Variants in ACOX2 observed in about 807,000 individuals in gnomAD.
ACOX2 encodes acyl-CoA oxidase 2.
Under a neutral mutation model 77.5 loss-of-function variants are expected in ACOX2, and 59 were observed. The ratio of observed to expected loss-of-function variants is 0.76; its 90% CI spans 0.62 to 0.95. The LOEUF (loss-of-function observed/expected upper bound fraction) is 0.95. ACOX2 is among the 40% of genes least tolerant of loss of function. ACOX2 has a pLI of 0.00. For synonymous variants in ACOX2, 317 were observed against 340.1 expected (o/e 0.93, Z 0.75); for missense variants, 837 against 880.4 (o/e 0.95, Z 0.62).
chr3:58,533,957 CA>C lies in ACOX2; in HGVS notation c.475+36del. 6.2e-7 allele frequency: 1 copy of C among 1,611,510 alleles called. No individual in the cohort carries two copies. Among genetic ancestry groups the C allele is most frequent in the Non-Finnish European group, 8.5e-7 (1 of 1,178,488 alleles). On this transcript the variant is annotated intron_variant, in intron 4 of 14. Transcript: ENST00000302819. This position sits in a 1 kb window ranked among gnomAD's most constrained non-coding sequence, Gnocchi z 5.6. Reference sequence around the variant, plus strand: ...ATGGGCCCTCTGGAGTTTTGCAGTGCACAACCTAAACACCACACGCAGCAGT... The same window carrying C: ...ATGGGCCCTCTGGAGTTTTGCAGTGCCAACCTAAACACCACACGCAGCAGT...
At chr3:58,517,145 G>A (rs1482012712) in intron 13 of ACOX2, 61 bp downstream of exon 13, 1 of 1,579,684 alleles carries the variant, frequency 6.3e-7, no homozygotes, top group African/African-American at 1.3e-5. Context: ...GAAGTGACCT[G>A]TGAACAAGGG....
At chr3:58,527,126 T>C (rs1434928856) in intron 9 of ACOX2, among the ~76,000 whole-genome samples, 1 of 152,018 alleles carries the variant, frequency 6.6e-6, no homozygotes, top group Non-Finnish European at 1.5e-5. Context: ...TTAGGAGGTA[T>C]TGATGATTAG....
intron 8 of ACOX2, 45 bp from the exon 9 acceptor site, chr3:58,529,001 T>C: frequency 6.5e-7 from 1 of 1,530,154 alleles, no homozygotes; most frequent in Non-Finnish European, 8.8e-7. Flanking sequence ...ACCTGTTGTG[T>C]CCACCTTCCC....
chr3:58,509,067 C>G, intron 13 of ACOX2, 42 bp from the exon 14 acceptor site: 1 of 1,604,390 alleles, frequency 6.2e-7, no homozygotes, highest in African/African-American at 1.3e-5. Flanking sequence ...TTAGATTGCT[C>G]TTATGAATCA....
At chr3:58,510,146 G>T (rs1291995104) in intron 13 of ACOX2, among the ~76,000 whole-genome samples, 1 of 152,052 alleles carries the variant, frequency 6.6e-6, no homozygotes, top group Non-Finnish European at 1.5e-5. Context: ...CCAATATTTA[G>T]TATTGACATT....
In ACOX2 at chr3:58,533,678, T is replaced by C. The variant is rs774326323; in HGVS notation, c.476-126A>G. ...TGGAGTGGGGCCCAGCTCCCAGCTG[T>C]ACTTGCAGGCAGTTCTCCCCTTTCA... On this transcript the variant is annotated intron_variant, in intron 4 of 14. Coordinates refer to ENST00000302819, the MANE Select transcript of ACOX2 (RefSeq NM_003500.4). The surrounding 1 kb of genome is among the most constrained non-coding windows in gnomAD (Gnocchi z 5.6). 1.3e-5 allele frequency: 11 copies of C among 828,546 alleles called. No individual in the cohort carries two copies. Among genetic ancestry groups the C allele is most frequent in the Non-Finnish European group, 2.1e-5 (11 of 512,740 alleles). 51.3% of individuals were successfully genotyped at this position (828,546 alleles called of 1,614,324 possible).
At position 58,525,998 on chromosome 3, in the gene ACOX2, C is replaced by T. The variant is rs1395518734; in HGVS notation, c.1346+468G>A. 6.6e-6 allele frequency among the ~76,000 whole-genome samples: 1 copy of T among 151,208 alleles called. No homozygotes were observed. Among genetic ancestry groups the T allele is most frequent in the East Asian group, 1.9e-4 (1 of 5,130 alleles). ...CACCACTGCACTCCAGCCTGGGTGA[C>T]AGTGAGACTCCATCTCAAAAAAAAA... is the stretch of plus-strand genomic sequence containing the variant. On this transcript the variant is annotated intron_variant, in intron 10 of 14. Transcript: ENST00000302819. This position sits in a 1 kb window ranked among gnomAD's most constrained non-coding sequence, Gnocchi z 5.0.
Position 58,534,171 on chromosome 3 carries a change from A to T in ACOX2, c.324-26T>A, listed in dbSNP as rs2063461970. On this transcript the variant is annotated intron_variant, in intron 3 of 14. Coordinates refer to ENST00000302819, the MANE Select transcript of ACOX2 (RefSeq NM_003500.4). The surrounding 1 kb of genome is among the most constrained non-coding windows in gnomAD (Gnocchi z 4.8). The stretch of plus-strand genomic sequence containing the variant: ...CTGTTGGGGAGAGATGCTGTAGTTG[A>T]GTAGCTTATTGGAGACAGGGGCCCA... The T allele has an allele frequency of 6.2e-7, 1 of 1,613,136 alleles. No homozygotes were observed. Among genetic ancestry groups the T allele is most frequent in the Admixed American group, 1.7e-5 (1 of 59,912 alleles).
rs931471094 is a variant in ACOX2 at position 58,517,480 on chromosome 3, C to G, written c.1633-57G>C. ...TTCTGGTTTTCTACTCCAGAAGTCACCCTGGAAGCATGGCAAGATGGCTGG... is the reference window on the plus strand; with the variant it reads ...TTCTGGTTTTCTACTCCAGAAGTCAGCCTGGAAGCATGGCAAGATGGCTGG... On this transcript the variant is annotated intron_variant, in intron 12 of 14. Transcript: ENST00000302819. 3.3e-6 allele frequency: 5 copies of G among 1,528,530 alleles called. No individual in the cohort carries two copies. The African/African-American group carries it at 5.5e-5, about 17-fold the overall frequency. 94.7% of individuals were successfully genotyped at this position (1,528,530 alleles called of 1,614,324 possible). A position where few individuals can be genotyped will look rare whatever the true frequency, so the allele number is the denominator to read the frequency against.
Position 58,534,810 on chromosome 3 carries a change from C to G in ACOX2, c.160+137G>C. 6.9e-7 allele frequency: 1 copy of G among 1,443,732 alleles called. No homozygotes were observed. The highest frequency in any genetic ancestry group is 9.6e-7 in the Non-Finnish European group (1 of 1,045,136). 89.4% of individuals were successfully genotyped at this position (1,443,732 alleles called of 1,614,324 possible). On this transcript the variant is annotated intron_variant, in intron 2 of 14. Coordinates refer to ENST00000302819, the MANE Select transcript of ACOX2 (RefSeq NM_003500.4). The surrounding 1 kb of genome is among the most constrained non-coding windows in gnomAD (Gnocchi z 4.8). The stretch of plus-strand genomic sequence containing the variant: ...ACATGTGAAGATTGTCTTTACAGTT[C>G]GAAGGAATGAATCTCTAACAGTGGA...
At chr3:58,529,617 C>T (rs376698510) in intron 8 of ACOX2, among the ~76,000 whole-genome samples, 15 of 152,304 alleles carry the variant, frequency 9.8e-5, no homozygotes, top group East Asian at 9.6e-4. Flanking sequence ...AAATGGGCCT[C>T]GGGCAGGACA....
chr3:58,527,159 G>C (rs1197537230), intron 9 of ACOX2, among the ~76,000 whole-genome samples: 2 of 152,122 alleles, frequency 1.3e-5, no homozygotes, highest in African/African-American at 2.4e-5. Flanking sequence ...GAGGTATTAT[G>C]ATGGTAGTAG....
Position 58,533,527 on chromosome 3 carries a change from A to G in ACOX2, c.501T>C (p.Thr167=). The change falls in exon 5 of 15, where the codon ACT becomes ACC. Residue 167 remains threonine (T), a synonymous_variant. Transcript: ENST00000302819. The surrounding 1 kb of genome is among the most constrained non-coding windows in gnomAD (Gnocchi z 5.6). ...GGGTGGCTGCGTCATAGGTGGCTTC[A>G]GTCTCCAGGCCCTGAAGATATGTCC... is the stretch of plus-strand genomic sequence containing the variant. ...GHGTYLQGLE[T]EATYDAATQE... The G allele has an allele frequency of 1.9e-6, 3 of 1,614,016 alleles. No homozygotes were observed. The highest frequency in any genetic ancestry group is 2.5e-6 in the Non-Finnish European group (3 of 1,179,982).
Position 58,531,480 on chromosome 3 carries a change from C to G in ACOX2, c.704-114G>C. Reference sequence around the variant, plus strand: ...GCCTGTGACACTGGGATTATTGTACCTATTTTGCAGGTGAACAAGCTGAGG... The same window carrying G: ...GCCTGTGACACTGGGATTATTGTACGTATTTTGCAGGTGAACAAGCTGAGG... On this transcript the variant is annotated intron_variant, in intron 6 of 14. Coordinates refer to ENST00000302819, the MANE Select transcript of ACOX2 (RefSeq NM_003500.4). This position sits in a 1 kb window ranked among gnomAD's most constrained non-coding sequence, Gnocchi z 5.8. The G allele has an allele frequency of 1.6e-6, 2 of 1,244,328 alleles. No individual in the cohort carries two copies. The highest frequency in any genetic ancestry group is 2.9e-5 in the South Asian group (2 of 70,032). The allele number at this position is 1,244,328 out of a possible 1,614,324, so 77.1% of individuals were successfully genotyped here.
intron 13 of ACOX2, among the ~76,000 whole-genome samples, chr3:58,516,349 C>T (rs544457795): frequency 6.6e-6 from 1 of 152,272 alleles, no homozygotes; most frequent in Non-Finnish European, 1.5e-5. Context: ...AGAGCTCATG[C>T]CCAGGGGCCA....
chr3:58,519,200 A>G lies in ACOX2; in HGVS notation c.1633-1777T>C, dbSNP rs2063342513. Among the ~76,000 whole-genome samples, 1 of 152,078 alleles carries G rather than the reference A, an allele frequency of 6.6e-6. No homozygotes were observed. The highest frequency in any genetic ancestry group is 2.1e-4 in the South Asian group (1 of 4,826). ...GGAGTTCGAGACCAGCCTGGCCAAC[A>G]TGGCAAAACCCTGTCTCTACAAAAA... On this transcript the variant is annotated intron_variant, in intron 12 of 14. Transcript: ENST00000302819. The surrounding 1 kb of genome is among the most constrained non-coding windows in gnomAD (Gnocchi z 5.0).
chr3:58,532,166 C>T (rs779511499), intron 5 of ACOX2, among the ~76,000 whole-genome samples: 5 of 151,922 alleles, frequency 3.3e-5, no homozygotes, highest in African/African-American at 1.2e-4. Flanking sequence ...ATGATGAGTC[C>T]CATTTTCCAG....
At chr3:58,529,869 A>G (rs977660381) in intron 8 of ACOX2, among the ~76,000 whole-genome samples, 15 of 152,226 alleles carry the variant, frequency 9.9e-5, no homozygotes, top group Admixed American at 9.2e-4. Flanking sequence ...CTGAGTGTTC[A>G]CAGAGGGTTC....
At position 58,526,667 on chromosome 3, in the gene ACOX2, A is replaced by G. The variant is rs367613877; in HGVS notation, c.1156-11T>C. The G allele has an allele frequency of 1.2e-6, 2 of 1,611,970 alleles. No individual in the cohort carries two copies. The highest frequency in any genetic ancestry group is 2.7e-5 in the African/African-American group (2 of 74,860). ...GCTCAGTGCGTGGAGCTGTGAGAAC[A>G]TGGAGGGGGGTTGGGCGGTGTTAGG... On this transcript the variant is annotated splice_polypyrimidine_tract_variant and intron_variant, in intron 9 of 14. Transcript: ENST00000302819. The surrounding 1 kb of genome is among the most constrained non-coding windows in gnomAD (Gnocchi z 4.3).
Sources: allele counts gnomAD v4.1 joint callset (sites outside exome capture counted in the v4.1 genomes callset), GRCh38; gene constraint gnomAD v4.1.1; non-coding constraint Gnocchi (gnomAD v3.1); transcripts MANE v1.5; gene names NCBI Gene and HGNC (gene_info 2026-07-23, HGNC 2026-07-21).